Variants in CDH6 observed in about 807,000 individuals in gnomAD.
The protein encoded by CDH6 is cadherin 6, also known as cadherin-6.
CDH6 carries 31 observed loss-of-function variants against 78.0 expected under a neutral mutation model. The ratio of observed to expected loss-of-function variants is 0.40; its 90% confidence interval spans 0.30 to 0.54. The LOEUF (loss-of-function observed/expected upper bound fraction) is 0.54. Ranked by LOEUF, CDH6 falls within the 20% of genes least tolerant of loss-of-function variation. The pLI is 0.56. For missense variants in CDH6, 724 were observed against 975.9 expected, an observed-to-expected ratio of 0.74 and a Z score of 3.44; for synonymous variants, 376 against 368.8, an observed-to-expected ratio of 1.02 and a Z score of -0.23.
intron 1 of CDH6, among the ~76,000 whole-genome samples, chr5:31,209,055 C>T (rs1200895035): frequency 6.6e-6 from 1 of 152,202 alleles, no homozygotes; most frequent in Non-Finnish European, 1.5e-5. Flanking sequence ...GATGATTTCC[C>T]TTATAATTCC....
At chr5:31,214,233 C>G (rs1740801579) in intron 1 of CDH6, among the ~76,000 whole-genome samples, 1 of 151,614 alleles carries the variant, frequency 6.6e-6, no homozygotes, top group Admixed American at 6.6e-5. Flanking sequence ...CAAGGCATGT[C>G]AAACAACTCA....
At chr5:31,196,421 C>A (rs1740169008) in intron 1 of CDH6, among the ~76,000 whole-genome samples, 1 of 152,210 alleles carries the variant, frequency 6.6e-6, no homozygotes, top group African/African-American at 2.4e-5. Flanking sequence ...AAACTACAAT[C>A]TTCCTAAGGA....
intron 2 of CDH6, among the ~76,000 whole-genome samples, chr5:31,284,568 T>C (rs1316943465): frequency 6.6e-6 from 1 of 152,192 alleles, no homozygotes; most frequent in Non-Finnish European, 1.5e-5. Context: ...AGGGGGTGGA[T>C]TGATCCAATA....
chr5:31,213,879 C>A lies in CDH6; in HGVS notation c.-129+19993C>A, dbSNP rs542519133. Among the ~76,000 whole-genome samples the A allele has an allele frequency of 2.0e-5, 3 of 152,114 alleles. No individual in the cohort carries two copies. The South Asian group carries it at 6.2e-4, about 32-fold the overall frequency. ...ATCCCCCCTCCTGGCAGGCACCTGCCAATTCTCACTGAAAAATGATTGCTA... is the reference window on the plus strand; with the variant it reads ...ATCCCCCCTCCTGGCAGGCACCTGCAAATTCTCACTGAAAAATGATTGCTA... On this transcript the variant is annotated intron_variant, in intron 1 of 11. Coordinates refer to ENST00000265071, the MANE Select transcript of CDH6 (RefSeq NM_004932.4).
Position 31,294,074 on chromosome 5 carries a change from A to T in CDH6, c.341A>T (p.Lys114Met). 1 of 1,614,050 alleles carries T rather than the reference A, an allele frequency of 6.2e-7. No individual in the cohort carries two copies. ...AACACAGGCGACATACAGGCCACCAAGAGGCTGGACAGGGAAGAAAAACCC... is the reference window on the plus strand; with the variant it reads ...AACACAGGCGACATACAGGCCACCATGAGGCTGGACAGGGAAGAAAAACCC... ...NENTGDIQAT[K>M]RLDREEKPVY... The change falls in exon 3 of 12, where the codon AAG (lysine) becomes ATG (methionine). Residue 114 changes from lysine to methionine, a missense_variant. By Grantham distance (95) the Lys-to-Met change is moderately conservative. This residue lies in a region of CDH6 where 446 missense variants were observed against 684.5 expected (regional missense o/e 0.65). Coordinates refer to ENST00000265071, the MANE Select transcript of CDH6 (RefSeq NM_004932.4). This position sits in a 1 kb window ranked among gnomAD's most constrained non-coding sequence, Gnocchi z 4.1.
Position 31,258,876 on chromosome 5 carries a change from G to A in CDH6, c.-128-8470G>A, listed in dbSNP as rs575278761. Reference sequence around the variant, plus strand: ...TTGAGCACTTGTCATGTGGGCAGCAGCCTGGCACACACCCCCTTAGAGTGC... The same window carrying A: ...TTGAGCACTTGTCATGTGGGCAGCAACCTGGCACACACCCCCTTAGAGTGC... On this transcript the variant is annotated intron_variant, in intron 1 of 11. Coordinates refer to ENST00000265071, the MANE Select transcript of CDH6 (RefSeq NM_004932.4). Among the ~76,000 whole-genome samples, 29 of 152,318 alleles carry A rather than the reference G, an allele frequency of 1.9e-4. No individual in the cohort carries two copies. The East Asian group carries it at 4.6e-3, about 24-fold the overall frequency.
chr5:31,316,152 A>AGG, intron 8 of CDH6, 56 bp from the exon 9 acceptor site: 1 of 1,567,896 alleles, frequency 6.4e-7, no homozygotes, highest in Non-Finnish European at 8.6e-7. Flanking sequence ...TGTTGTCTAA[A>AGG]GGGAATCGGC....
intron 1 of CDH6, among the ~76,000 whole-genome samples, chr5:31,223,741 G>A (rs1194917421): frequency 6.6e-6 from 1 of 152,076 alleles, no homozygotes; most frequent in East Asian, 1.9e-4. Context: ...CTAATTAATG[G>A]ACAAGTGAAA....
At chr5:31,229,911 T>G (rs555417317) in intron 1 of CDH6, among the ~76,000 whole-genome samples, 1 of 152,330 alleles carries the variant, frequency 6.6e-6, no homozygotes, top group East Asian at 1.9e-4. Context: ...GCCAGTGACT[T>G]GGATCCTGGT....
intron 3 of CDH6, 76 bp from the exon 4 acceptor site, chr5:31,297,213 C>T: frequency 1.6e-6 from 2 of 1,245,178 alleles, no homozygotes; most frequent in East Asian, 2.3e-5. Flanking sequence ...AAATTAAGAT[C>T]GTGCTGGTTT....
At chr5:31,296,125 A>G (rs1387015643) in intron 3 of CDH6, among the ~76,000 whole-genome samples, 3 of 152,194 alleles carry the variant, frequency 2.0e-5, no homozygotes, top group African/African-American at 7.2e-5. Flanking sequence ...AATTGGCTAT[A>G]TAATACAAAA....
intron 1 of CDH6, chr5:31,250,316 T>C (rs1741874774): frequency 6.6e-6 from 1 of 152,446 alleles, no homozygotes; most frequent in Non-Finnish European, 1.5e-5. Flanking sequence ...CCTCCAGTTC[T>C]TTCAGCAACA....
At position 31,302,206 on chromosome 5, in the gene CDH6, A is replaced by G; in HGVS notation, c.907A>G (p.Ile303Val). 2 of 1,613,822 alleles carry G rather than the reference A, an allele frequency of 1.2e-6. No individual in the cohort carries two copies. The highest frequency in any genetic ancestry group is 3.3e-5 in the Admixed American group (2 of 60,028). ...SDADVGENAE[I>V]EYSITDGEGL... is the part of the protein sequence containing the mutation. ...CGCTGATGTGGGAGAAAATGCTGAA[A>G]TTGAGTACAGCATCACAGACGGTGA... Residue 303 changes from isoleucine to valine, a missense_variant, in exon 6 of 12, where the codon ATT (isoleucine) becomes GTT (valine). Ile to Val is a conservative substitution (Grantham distance 29, BLOSUM62 3). This residue lies in a region of CDH6 where 446 missense variants were observed against 684.5 expected (regional missense o/e 0.65). Transcript: ENST00000265071.
intron 1 of CDH6, among the ~76,000 whole-genome samples, chr5:31,236,673 A>G (rs1471799313): frequency 6.6e-6 from 1 of 151,932 alleles, no homozygotes; most frequent in African/African-American, 2.4e-5. Context: ...CTTGGGAGGG[A>G]TTCCCCGCCC....
chr5:31,203,165 A>C (rs1378510542), intron 1 of CDH6, among the ~76,000 whole-genome samples: 3 of 150,718 alleles, frequency 2.0e-5, no homozygotes, highest in Non-Finnish European at 2.9e-5. Flanking sequence ...TCAGTTCCAC[A>C]TTTTCCCTCT....
At chr5:31,257,379 G>A (rs1323291911) in intron 1 of CDH6, among the ~76,000 whole-genome samples, 1 of 151,760 alleles carries the variant, frequency 6.6e-6, no homozygotes, top group Non-Finnish European at 1.5e-5. Context: ...TAGCCGGGAT[G>A]GTCCCGATCT....
chr5:31,310,557 A>G (rs1738119590), intron 7 of CDH6, among the ~76,000 whole-genome samples: 2 of 151,906 alleles, frequency 1.3e-5, no homozygotes, highest in South Asian at 2.1e-4. Flanking sequence ...CCAACCCCTC[A>G]TTTTCCCTCC....
chr5:31,194,029 C>T (rs1245790170), intron 1 of CDH6, 143 bp downstream of exon 1: 1 of 151,138 alleles, frequency 6.6e-6, no homozygotes, highest in Non-Finnish European at 1.5e-5. Context: ...TCTCAGCCTG[C>T]GAGCCCGGGT....
intron 1 of CDH6, among the ~76,000 whole-genome samples, chr5:31,208,827 T>C (rs1386188774): frequency 6.6e-6 from 1 of 152,244 alleles, no homozygotes; most frequent in Admixed American, 6.5e-5. Flanking sequence ...AATACCAGAT[T>C]CTATGTACCT....
Sources: gnomAD v4.1 joint callset for allele counts (sites outside exome capture counted in the v4.1 genomes callset) on GRCh38, gnomAD v4.1.1 for gene constraint, gnomAD v4.1.1 regional missense constraint, Gnocchi (gnomAD v3.1) non-coding constraint, MANE v1.5 for transcripts, NCBI Gene and HGNC (gene_info 2026-07-23, HGNC 2026-07-21) for gene names.